The following SPAG17 variants were observed in gnomAD, a reference collection of about 807,000 sequenced individuals.
SPAG17 encodes sperm associated antigen 17.
Under a neutral mutation model 273.6 loss-of-function variants are expected in SPAG17, and 169 were observed. The ratio of observed to expected loss-of-function variants is 0.62; its 90% CI spans 0.55 to 0.70. The LOEUF (loss-of-function observed/expected upper bound fraction) is 0.70, where lower values mean the gene tolerates loss of function less well. SPAG17 is among the 30% of genes least tolerant of loss of function. The pLI, the probability that SPAG17 is intolerant of heterozygous loss-of-function variation, is 0.00. For missense variants in SPAG17, 2,557 were observed against 2,627.8 expected (o/e 0.97, Z 0.59); for synonymous variants, 825 against 873.2 (o/e 0.94, Z 0.97).
intron 43 of SPAG17, among the ~76,000 whole-genome samples, chr1:117,979,328 T>A (rs1256817466): frequency 6.6e-6 from 1 of 152,172 alleles, no homozygotes; most frequent in Admixed American, 6.5e-5. Flanking sequence ...AGCCTCACAA[T>A]CAGTTTAACC....
chr1:117,988,075 TA>T (rs777416254), intron 39 of SPAG17, 29 bp downstream of exon 39: 1 of 1,554,660 alleles, frequency 6.4e-7, no homozygotes, highest in Non-Finnish European at 8.7e-7. Context: ...TACCTAATAC[TA>T]ATTAGAACAC....
intron 1 of SPAG17, among the ~76,000 whole-genome samples, chr1:118,157,294 C>G (rs1421389641): frequency 6.6e-6 from 1 of 152,160 alleles, no homozygotes; most frequent in Non-Finnish European, 1.5e-5. Flanking sequence ...GATTTATTCC[C>G]TCTATTGCAT....
intron 27 of SPAG17, among the ~76,000 whole-genome samples, chr1:118,024,144 CT>C (rs1647452010): frequency 6.6e-6 from 1 of 152,050 alleles, no homozygotes; most frequent in African/African-American, 2.4e-5. Context: ...TTCGGTTGCC[CT>C]GTTTAATCTG....
chr1:118,154,478 C>T (rs1042972204), intron 1 of SPAG17, among the ~76,000 whole-genome samples: 1 of 152,100 alleles, frequency 6.6e-6, no homozygotes. Flanking sequence ...CAAGTCATTT[C>T]CCCATGTCTA....
In SPAG17 at chr1:118,015,932, G is replaced by C. The variant is rs779014791; in HGVS notation, c.4287+33C>G. On this transcript the variant is annotated intron_variant, in intron 29 of 48. Transcript: ENST00000336338. ...GTTGTTTCAGAATACTAATGACTTA[G>C]AAAATTTTGCAATAAACAATAGTTT... 3.0e-5 allele frequency: 48 copies of C among 1,597,038 alleles called. No individual in the cohort carries two copies. In the East Asian group the frequency reaches 1.1e-3, roughly 35 times the overall value.
intron 3 of SPAG17, among the ~76,000 whole-genome samples, chr1:118,144,393 G>A (rs1455474969): frequency 4.6e-5 from 7 of 152,096 alleles, no homozygotes; most frequent in Non-Finnish European, 2.9e-5. Flanking sequence ...CTTTGTAACC[G>A]TTTCTAGCAT....
intron 4 of SPAG17, among the ~76,000 whole-genome samples, chr1:118,108,637 C>G (rs2102238932): frequency 6.6e-6 from 1 of 151,864 alleles, no homozygotes; most frequent in African/African-American, 2.4e-5. Flanking sequence ...AAGTGCCTCT[C>G]TCCACGATGT....
chr1:118,004,397 C>T (rs1029663366), intron 32 of SPAG17, among the ~76,000 whole-genome samples: 3 of 152,248 alleles, frequency 2.0e-5, no homozygotes, highest in Admixed American at 1.3e-4. Context: ...TGCTGCCTTT[C>T]GTTCAGCTAA....
chr1:118,101,603 C>G (rs907319046), intron 5 of SPAG17, 137 bp downstream of exon 5: 21 of 815,394 alleles, frequency 2.6e-5, no homozygotes, highest in Non-Finnish European at 3.9e-5. Context: ...TCTAGTGTCT[C>G]TAGGGCAAAA....
chr1:118,175,957 G>T (rs1660678854), intron 1 of SPAG17, among the ~76,000 whole-genome samples: 1 of 152,110 alleles, frequency 6.6e-6, no homozygotes, highest in Non-Finnish European at 1.5e-5. Context: ...TATGCAAATT[G>T]AGACAACATA....
At chr1:118,126,866 A>T (rs1657765128) in intron 3 of SPAG17, among the ~76,000 whole-genome samples, 1 of 151,228 alleles carries the variant, frequency 6.6e-6, no homozygotes, top group South Asian at 2.1e-4. Context: ...GTTTTTGTGT[A>T]TGGTGAGAGA....
chr1:117,970,146 A>T, intron 45 of SPAG17, 30 bp from the exon 46 acceptor site: 1 of 1,597,744 alleles, frequency 6.3e-7, no homozygotes, highest in Non-Finnish European at 8.5e-7. Context: ...AAATAAATTT[A>T]TGACATAATG....
At chr1:118,140,659 C>T (rs1233242222) in intron 3 of SPAG17, among the ~76,000 whole-genome samples, 1 of 152,204 alleles carries the variant, frequency 6.6e-6, no homozygotes, top group African/African-American at 2.4e-5. Flanking sequence ...CTCCTTGAAT[C>T]TGTGTGCTCT....
intron 1 of SPAG17, among the ~76,000 whole-genome samples, chr1:118,174,807 T>C (rs1191023656): frequency 6.6e-6 from 1 of 152,186 alleles, no homozygotes; most frequent in South Asian, 2.1e-4. Flanking sequence ...GGCACTGGGA[T>C]GATATATTTA....
chr1:117,959,137 A>C (rs1490716262), intron 48 of SPAG17: 1 of 1,299,938 alleles, frequency 7.7e-7, no homozygotes, highest in Non-Finnish European at 1.1e-6. Context: ...TTTTTGTTAG[A>C]ATTAGTAGGA....
intron 1 of SPAG17, among the ~76,000 whole-genome samples, chr1:118,181,815 T>C (rs963938655): frequency 6.6e-6 from 1 of 152,178 alleles, no homozygotes; most frequent in African/African-American, 2.4e-5. Flanking sequence ...AATGATATGG[T>C]AGTTCCTCAA....
chr1:118,147,676 G>A (rs934942296), intron 3 of SPAG17, among the ~76,000 whole-genome samples: 2 of 152,208 alleles, frequency 1.3e-5, no homozygotes, highest in Admixed American at 6.5e-5. Context: ...ATGGCTAGAT[G>A]AAATTCTAAG....
chr1:117,990,853 C>G lies in SPAG17; in HGVS notation c.5521+8G>C. ...ATATACTGCAGAAGAATATTAAATGCAACTTACCTTCAGTAACATGACTTT... is the reference window on the plus strand; with the variant it reads ...ATATACTGCAGAAGAATATTAAATGGAACTTACCTTCAGTAACATGACTTT... On this transcript the variant is annotated splice_region_variant and intron_variant, in intron 38 of 48. Coordinates refer to ENST00000336338, the MANE Select transcript of SPAG17 (RefSeq NM_206996.4). 1 of 1,555,734 alleles carries G rather than the reference C, an allele frequency of 6.4e-7. No individual in the cohort carries two copies. Among genetic ancestry groups the G allele is most frequent in the Non-Finnish European group, 8.8e-7 (1 of 1,140,590 alleles).
In SPAG17 at chr1:117,992,606, CT is replaced by C. The variant is rs1657228513; in HGVS notation, c.5220del (p.Gly1741AlafsTer9). 6.2e-7 allele frequency: 1 copy of C among 1,610,586 alleles called. No homozygotes were observed. The highest frequency in any genetic ancestry group is 8.5e-7 in the Non-Finnish European group (1 of 1,178,988). ...AGCTGTTTGGACTCAATGCAAAGGC[CT>C]TTCCAAATCTGAGTACCAAACGGAG... ...PGPPFGTQIW[K>X]GLCIESKQLV... On this transcript the variant is annotated frameshift_variant, in exon 36 of 49. Transcript: ENST00000336338. LOFTEE classifies it high-confidence loss of function.
Sources: allele counts gnomAD v4.1 joint callset (sites outside exome capture counted in the v4.1 genomes callset), GRCh38; gene constraint gnomAD v4.1.1; transcripts MANE v1.5; gene names NCBI Gene and HGNC (gene_info 2026-07-23, HGNC 2026-07-21).